The following RBM46 variants were observed in gnomAD, a reference collection of about 807,000 sequenced individuals.
RBM46 encodes the protein RNA binding motif protein 46.
In RBM46, 12 loss-of-function variants were observed where a neutral mutation model predicts 43.3. That is an observed-to-expected ratio of 0.28 (90% confidence interval 0.18 to 0.45). RBM46 has a LOEUF of 0.45. RBM46 is among the 20% of genes least tolerant of loss of function. The pLI is 1.00. For missense variants in RBM46, 412 were observed against 639.1 expected (o/e 0.64, Z 3.83); for synonymous variants, 205 against 207.6 (o/e 0.99, Z 0.11).
intron 4 of RBM46, 48 bp downstream of exon 4, chr4:154,799,612 TACTGTAGA>T: frequency 1.6e-6 from 2 of 1,233,742 alleles, no homozygotes; most frequent in Non-Finnish European, 2.2e-6. Context: ...AATTAGGAAA[TACTGTAGA>T]TTATTTTTAA....
At chr4:154,783,581 T>C (rs555245533) in intron 1 of RBM46, among the ~76,000 whole-genome samples, 5 of 152,220 alleles carry the variant, frequency 3.3e-5, no homozygotes, top group Admixed American at 6.5e-5. Flanking sequence ...TAACAGATTA[T>C]GAAGGACCTT....
At chr4:154,811,724 A>G (rs2111181158) in intron 4 of RBM46, among the ~76,000 whole-genome samples, 1 of 149,820 alleles carries the variant, frequency 6.7e-6, no homozygotes, top group Admixed American at 6.7e-5. Flanking sequence ...TGTGTCACCC[A>G]GGCTGGAGTG....
At position 154,803,702 on chromosome 4, in the gene RBM46, CAAAAAAAAAAAA is replaced by C. The variant is rs35506499; in HGVS notation, c.1402+4155_1402+4166del. On this transcript the variant is annotated intron_variant, in intron 4 of 4. Transcript: ENST00000281722. ...TGGGCAACAGAGCCAGACTACGTCT[CAAAAAAAAAAAA>C]AAAAAAAAAAAAAAAAGGAAATTAT... is the stretch of plus-strand genomic sequence containing the variant. Among the ~76,000 whole-genome samples the C allele has an allele frequency of 8.2e-4, 34 of 41,320 alleles. No individual in the cohort carries two copies. In the South Asian group the frequency reaches 8.8e-3, roughly 11 times the overall value. 27.1% of individuals were successfully genotyped at this position (41,320 alleles called of 152,430 possible).
chr4:154,786,638 A>C (rs77519263), intron 1 of RBM46, among the ~76,000 whole-genome samples: 1 of 44,178 alleles, frequency 2.3e-5, no homozygotes, highest in African/African-American at 1.2e-4. Context: ...TTAAAAAAAA[A>C]AAACAGTAGG....
At chr4:154,782,689 G>A (rs1043717782) in intron 1 of RBM46, among the ~76,000 whole-genome samples, 2 of 152,108 alleles carry the variant, frequency 1.3e-5, no homozygotes, top group Admixed American at 1.3e-4. Flanking sequence ...CACCATGTTG[G>A]CCAGGATGGT....
intron 1 of RBM46, among the ~76,000 whole-genome samples, chr4:154,784,536 G>A (rs1403800949): frequency 2.0e-5 from 3 of 152,092 alleles, no homozygotes; most frequent in African/African-American, 4.8e-5. Context: ...CCTTAGAGAG[G>A]TTTTTTCCTT....
chr4:154,815,370 C>G (rs1255543881), intron 4 of RBM46, among the ~76,000 whole-genome samples: 1 of 151,978 alleles, frequency 6.6e-6, no homozygotes, highest in Non-Finnish European at 1.5e-5. Context: ...GTTTTTTAAA[C>G]TGTAGTAAAT....
At chr4:154,818,583 T>G (rs1327855508) in intron 4 of RBM46, among the ~76,000 whole-genome samples, 1 of 152,238 alleles carries the variant, frequency 6.6e-6, no homozygotes, top group Non-Finnish European at 1.5e-5. Flanking sequence ...CTTCTTAGTT[T>G]TCATCTTGCT....
intron 4 of RBM46, among the ~76,000 whole-genome samples, chr4:154,825,723 A>G (rs577437785): frequency 6.6e-6 from 1 of 152,326 alleles, no homozygotes; most frequent in African/African-American, 2.4e-5. Context: ...TTATGCTAGT[A>G]GCCAACTGCT....
intron 1 of RBM46, among the ~76,000 whole-genome samples, chr4:154,791,054 A>C (rs998629752): frequency 6.6e-6 from 1 of 152,240 alleles, no homozygotes; most frequent in Non-Finnish European, 1.5e-5. Context: ...CAGGATAATG[A>C]GAGAACATAA....
At chr4:154,787,798 C>A (rs1733856868) in intron 1 of RBM46, among the ~76,000 whole-genome samples, 2 of 152,280 alleles carry the variant, frequency 1.3e-5, no homozygotes, top group South Asian at 4.1e-4. Flanking sequence ...ACAGTTCCAC[C>A]AACAGTGTAA....
chr4:154,816,582 T>C (rs932119323), intron 4 of RBM46, among the ~76,000 whole-genome samples: 1 of 152,150 alleles, frequency 6.6e-6, no homozygotes, highest in African/African-American at 2.4e-5. Flanking sequence ...AAACTACTTA[T>C]TTGTGTCAAA....
At position 154,828,178 on chromosome 4, in the gene RBM46, G is replaced by C. The variant is rs891385523; in HGVS notation, c.*111G>C. 1 of 790,892 alleles carries C rather than the reference G, an allele frequency of 1.3e-6. No homozygotes were observed. Among genetic ancestry groups the C allele is most frequent in the African/African-American group, 1.7e-5 (1 of 57,424 alleles). The allele number at this position is 790,892 out of a possible 1,614,324, so 49.0% of individuals were successfully genotyped here. A position where few individuals can be genotyped will look rare whatever the true frequency, so the allele number is the denominator to read the frequency against. ...GGGTTTGCATATTTGGTTTTAAAAAGGTATTTATTCCAAAGTACTAAACAT... is the reference window on the plus strand; with the variant it reads ...GGGTTTGCATATTTGGTTTTAAAAACGTATTTATTCCAAAGTACTAAACAT... On this transcript the variant is annotated 3_prime_UTR_variant, in exon 5 of 5. Coordinates refer to ENST00000281722, the MANE Select transcript of RBM46 (RefSeq NM_144979.5).
intron 4 of RBM46, among the ~76,000 whole-genome samples, chr4:154,816,675 A>G (rs1735459232): frequency 6.6e-6 from 1 of 151,906 alleles, no homozygotes; most frequent in African/African-American, 2.4e-5. Context: ...CATCCTTTAT[A>G]CACATCTTTT....
intron 4 of RBM46, among the ~76,000 whole-genome samples, chr4:154,819,402 T>G (rs1393474166): frequency 2.0e-5 from 3 of 151,396 alleles, no homozygotes; most frequent in Non-Finnish European, 4.4e-5. Flanking sequence ...AAGAGGGAGC[T>G]TTTGGGAATT....
intron 4 of RBM46, 24 bp from the exon 5 acceptor site, chr4:154,827,844 A>G (rs1254627752): frequency 6.2e-7 from 1 of 1,611,894 alleles, no homozygotes; most frequent in Middle Eastern, 1.7e-4. Context: ...TGTACAGCAT[A>G]ATTGTTCATG....
intron 1 of RBM46, among the ~76,000 whole-genome samples, chr4:154,790,003 G>A (rs980158168): frequency 6.6e-6 from 1 of 152,164 alleles, no homozygotes; most frequent in Non-Finnish European, 1.5e-5. Context: ...TTGTATTTCT[G>A]TGAGATCGAT....
chr4:154,798,793 C>A lies in RBM46; in HGVS notation c.631C>A (p.Leu211Ile). ...RRKLIPGTFQ[L>I]WGHTIQVDWA... ...TTTTTTTTTTACAGGAACATTCCAA[C>A]TATGGGGCCACACCATTCAGGTAGA... Residue 211 changes from leucine to isoleucine, a missense_variant, in exon 4 of 5, where the codon CTA (leucine) becomes ATA (isoleucine). Physicochemically the swap from Leu to Ile is conservative, Grantham distance 5. Transcript: ENST00000281722. 2.7e-6 allele frequency: 4 copies of A among 1,488,824 alleles called. No individual in the cohort carries two copies. Among genetic ancestry groups the A allele is most frequent in the Admixed American group, 2.6e-5 (1 of 37,870 alleles). The allele number at this position is 1,488,824 out of a possible 1,614,324, so 92.2% of individuals were successfully genotyped here. A position where few individuals can be genotyped will look rare whatever the true frequency, so the allele number is the denominator to read the frequency against.
At chr4:154,787,629 T>C (rs1245162497) in intron 1 of RBM46, among the ~76,000 whole-genome samples, 7 of 152,176 alleles carry the variant, frequency 4.6e-5, no homozygotes, top group Non-Finnish European at 7.3e-5. Flanking sequence ...TTGTGAATAG[T>C]GCCACAGTAA....
Sources: gnomAD v4.1 joint callset for allele counts (sites outside exome capture counted in the v4.1 genomes callset) on GRCh38, gnomAD v4.1.1 for gene constraint, MANE v1.5 for transcripts, NCBI Gene and HGNC (gene_info 2026-07-23, HGNC 2026-07-21) for gene names.